The following TBCK variants were observed in gnomAD, a reference collection of about 807,000 sequenced individuals.
TBCK encodes the protein TBC1 domain containing kinase.
TBCK carries 99 observed loss-of-function variants against 113.4 expected under a neutral mutation model. The observed-to-expected ratio is 0.87, with a 90% CI of 0.74 to 1.03. The LOEUF is 1.03. Among genes scored for constraint, TBCK ranks in the 50% least tolerant of loss-of-function variants. The pLI, the probability that TBCK is intolerant of heterozygous loss-of-function variation, is 0.00. For synonymous variants in TBCK, 369 were observed against 370.8 expected (o/e 1.00, Z 0.05); for missense variants, 1,045 against 1,061.3 (o/e 0.98, Z 0.21).
At chr4:106,284,718 C>G (rs1764946231) in intron 3 of TBCK, among the ~76,000 whole-genome samples, 1 of 152,138 alleles carries the variant, frequency 6.6e-6, no homozygotes, top group Non-Finnish European at 1.5e-5. Context: ...AGTACATGCT[C>G]TGAATAATTC....
At position 106,196,103 on chromosome 4, in the gene TBCK, C is replaced by T. The variant is rs554346786; in HGVS notation, c.1861-1349G>A. The stretch of plus-strand genomic sequence containing the variant: ...CATAACAGACTAAAAGTAATAAGAT[C>T]TAATATTACCATTATTAATAATTTG... On this transcript the variant is annotated intron_variant, in intron 20 of 25. Coordinates refer to ENST00000394708, the MANE Select transcript of TBCK (RefSeq NM_001163435.3). 4.6e-5 allele frequency among the ~76,000 whole-genome samples: 7 copies of T among 152,010 alleles called. No homozygotes were observed. The South Asian group carries it at 1.5e-3, about 32-fold the overall frequency.
intron 1 of TBCK, among the ~76,000 whole-genome samples, chr4:106,309,384 C>T (rs1489068734): frequency 6.8e-6 from 1 of 147,436 alleles, no homozygotes; most frequent in Non-Finnish European, 1.5e-5. Flanking sequence ...GTGATCTCCG[C>T]GCACTGCAAC....
chr4:106,231,466 ATACT>A (rs1758849936), intron 18 of TBCK, among the ~76,000 whole-genome samples: 1 of 151,766 alleles, frequency 6.6e-6, no homozygotes, highest in African/African-American at 2.4e-5. Context: ...TTTAGAAAGT[ATACT>A]TAGACAAAAA....
intron 19 of TBCK, chr4:106,213,470 C>G (rs187473548): frequency 6.1e-6 from 1 of 163,190 alleles, no homozygotes; most frequent in Non-Finnish European, 1.3e-5. Flanking sequence ...GTTCATCTCA[C>G]TAGGGAGTGA....
chr4:106,080,897 C>T (rs1351432621), intron 25 of TBCK, among the ~76,000 whole-genome samples: 1 of 152,126 alleles, frequency 6.6e-6, no homozygotes, highest in East Asian at 1.9e-4. Context: ...GAAATTCACA[C>T]AGCCAACGAA....
intron 1 of TBCK, among the ~76,000 whole-genome samples, chr4:106,314,842 C>G (rs942854789): frequency 1.4e-4 from 21 of 151,934 alleles, no homozygotes; most frequent in African/African-American, 4.6e-4. Flanking sequence ...CCAGGCTGGT[C>G]TTGAACTCCT....
At chr4:106,049,929 T>C (rs1734628252) in intron 25 of TBCK, among the ~76,000 whole-genome samples, 1 of 152,014 alleles carries the variant, frequency 6.6e-6, no homozygotes, top group African/African-American at 2.4e-5. Flanking sequence ...GTAACTAGCA[T>C]TGAGAGTCAT....
At chr4:106,132,530 G>A (rs1560698422) in intron 23 of TBCK, among the ~76,000 whole-genome samples, 1 of 152,238 alleles carries the variant, frequency 6.6e-6, no homozygotes, top group South Asian at 2.1e-4. Context: ...TTTGCTGCTG[G>A]GGCAGAGCTC....
chr4:106,306,236 ATT>A (rs60417567), intron 2 of TBCK, among the ~76,000 whole-genome samples: 163 of 97,342 alleles, frequency 1.7e-3, no homozygotes, highest in Middle Eastern at 6.9e-3. Context: ...TGCCTGGCTA[ATT>A]TTTTTTTTTT....
At chr4:106,184,684 G>A (rs1331648805) in intron 22 of TBCK, among the ~76,000 whole-genome samples, 4 of 151,962 alleles carry the variant, frequency 2.6e-5, no homozygotes, top group African/African-American at 9.7e-5. Flanking sequence ...CTTAGTTAAT[G>A]TCTAAGGAGA....
chr4:106,310,105 C>T (rs1330571765), intron 1 of TBCK: 1 of 152,184 alleles, frequency 6.6e-6, no homozygotes, highest in Non-Finnish European at 1.5e-5. Context: ...TAAAGCCCTG[C>T]ATTTTTCCCT....
intron 25 of TBCK, among the ~76,000 whole-genome samples, chr4:106,091,445 C>A (rs142754780): frequency 6.6e-6 from 1 of 152,108 alleles, no homozygotes; most frequent in Admixed American, 6.5e-5. Context: ...AGCCACGGAC[C>A]CTTGTGGTGA....
chr4:106,263,620 A>T (rs1190929527), intron 3 of TBCK, among the ~76,000 whole-genome samples: 1 of 151,936 alleles, frequency 6.6e-6, no homozygotes, highest in Non-Finnish European at 1.5e-5. Context: ...ATTAAACTTT[A>T]CATAAAACAG....
intron 14 of TBCK, 45 bp downstream of exon 14, chr4:106,236,345 T>C (rs78137816): frequency 2.4e-5 from 32 of 1,323,704 alleles, no homozygotes; most frequent in Non-Finnish European, 3.1e-5. Context: ...TAAAAAAAAA[T>C]TCCATATGGG....
intron 25 of TBCK, among the ~76,000 whole-genome samples, chr4:106,048,763 C>T (rs1734481784): frequency 6.6e-6 from 1 of 152,098 alleles, no homozygotes; most frequent in Non-Finnish European, 1.5e-5. Flanking sequence ...AAGGACTGTA[C>T]ATGCAACTAA....
At chr4:106,048,339 T>C (rs1035072048) in intron 25 of TBCK, among the ~76,000 whole-genome samples, 2 of 152,084 alleles carry the variant, frequency 1.3e-5, no homozygotes. Context: ...CTGCAGTGGC[T>C]CCACAGAGAT....
intron 25 of TBCK, among the ~76,000 whole-genome samples, chr4:106,065,457 A>T (rs753393381): frequency 6.6e-6 from 1 of 152,026 alleles, no homozygotes; most frequent in Admixed American, 6.6e-5. Flanking sequence ...CGTGTTTTTC[A>T]TTTTAAATGT....
At chr4:106,149,054 A>G (rs1191728576) in intron 23 of TBCK, among the ~76,000 whole-genome samples, 1 of 152,166 alleles carries the variant, frequency 6.6e-6, no homozygotes, top group African/African-American at 2.4e-5. Context: ...AAATCTTATG[A>G]ACCAACCTCT....
rs1242278972 is a variant in TBCK at position 106,241,667 on chromosome 4, A to AT, written c.1170+802dup. Among the ~76,000 whole-genome samples, 5 of 152,044 alleles carry AT rather than the reference A, an allele frequency of 3.3e-5. No homozygotes were observed. In the East Asian group the frequency reaches 5.8e-4, roughly 18 times the overall value. On this transcript the variant is annotated intron_variant, in intron 12 of 25. Transcript: ENST00000394708. ...AATATATGGTACTGAGACAAGGGGT[A>AT]TTTTTTTAATCAATGAAATATGATA...
Sources: allele counts gnomAD v4.1 joint callset (sites outside exome capture counted in the v4.1 genomes callset), GRCh38; gene constraint gnomAD v4.1.1; transcripts MANE v1.5; gene names NCBI Gene and HGNC (gene_info 2026-07-23, HGNC 2026-07-21).